The following NPNT variants were observed in gnomAD, a reference collection of about 807,000 sequenced individuals.
NPNT encodes the protein preosteoblast EGF-like repeat protein with MAM domain.
A neutral mutation model predicts 68.6 loss-of-function variants in NPNT; 45 were observed. That is an observed-to-expected ratio of 0.66 (90% CI 0.52 to 0.84). NPNT has a LOEUF of 0.84. NPNT is among the 40% of genes least tolerant of loss of function. The pLI is 0.00. For missense variants in NPNT, 672 were observed against 714.8 expected (o/e 0.94, Z 0.68); for synonymous variants, 233 against 253.3 (o/e 0.92, Z 0.76).
At chr4:105,944,547 A>T (rs1730230569) in intron 8 of NPNT, among the ~76,000 whole-genome samples, 1 of 152,206 alleles carries the variant, frequency 6.6e-6, no homozygotes, top group Non-Finnish European at 1.5e-5. Context: ...ATTAAAAATG[A>T]CATTGAAGTT....
intron 7 of NPNT, among the ~76,000 whole-genome samples, chr4:105,940,970 T>C (rs1729900173): frequency 6.6e-6 from 1 of 152,178 alleles, no homozygotes; most frequent in South Asian, 2.1e-4. Flanking sequence ...TAGCGTTAGA[T>C]TTTGATGGTG....
In NPNT at chr4:105,895,638, G is replaced by A. The variant is rs1351594489; in HGVS notation, c.-15G>A. The A allele has an allele frequency of 6.5e-7, 1 of 1,549,168 alleles. No individual in the cohort carries two copies. Among genetic ancestry groups the A allele is most frequent in the African/African-American group, 1.4e-5 (1 of 73,112 alleles). ...CGCGCGCCACTGCGCTGCGCCCCAG[G>A]ACCCGCTGCCCAACATGGATTTTCT... is the stretch of plus-strand genomic sequence containing the variant. On this transcript the variant is annotated 5_prime_UTR_variant, in exon 1 of 12. Coordinates refer to ENST00000379987, the MANE Select transcript of NPNT (RefSeq NM_001033047.3).
chr4:105,954,029 A>G (rs1332260287), intron 8 of NPNT, among the ~76,000 whole-genome samples: 1 of 152,220 alleles, frequency 6.6e-6, no homozygotes, highest in Admixed American at 6.5e-5. Flanking sequence ...GGGTAAAAAT[A>G]TGCAATTGAC....
At chr4:105,957,880 TTG>T (rs954849913) in intron 8 of NPNT, among the ~76,000 whole-genome samples, 2 of 152,238 alleles carry the variant, frequency 1.3e-5, no homozygotes, top group African/African-American at 4.8e-5. Context: ...TTGGACAGCA[TTG>T]TGTATTTTGG....
At chr4:105,932,641 A>G (rs1408320018) in intron 3 of NPNT, 1 of 1,535,986 alleles carries the variant, frequency 6.5e-7, no homozygotes, top group Admixed American at 2.0e-5. Flanking sequence ...CCTCTTGACC[A>G]AGGCAGTGAA....
chr4:105,909,572 AAGTT>A (rs1397459626), intron 2 of NPNT, among the ~76,000 whole-genome samples: 1 of 152,134 alleles, frequency 6.6e-6, no homozygotes, highest in African/African-American at 2.4e-5. Context: ...AGTGTACTGA[AAGTT>A]AGGATCATCC....
Position 105,945,120 on chromosome 4 carries a change from T to A in NPNT, c.1159+2418T>A, listed in dbSNP as rs553103901. On this transcript the variant is annotated intron_variant, in intron 8 of 11. Coordinates refer to ENST00000379987, the MANE Select transcript of NPNT (RefSeq NM_001033047.3). ...GTCTCCTTCAAATAGCCCTCCACTT[T>A]GTGTTTTTCTTTACATTGAAAGATA... Among the ~76,000 whole-genome samples, 7 of 152,342 alleles carry A rather than the reference T, an allele frequency of 4.6e-5. No individual in the cohort carries two copies. The East Asian group carries it at 5.8e-4, about 13-fold the overall frequency.
rs1476450035 is a variant in NPNT at position 105,968,990 on chromosome 4, A to G, written c.1698A>G (p.Ter566=). ...LKKGHCSEER[*] ...AAGGCCACTGCTCTGAAGAACGCTA[A>G]CAACTCCAGAACTAACAATGAACTC... The change falls in exon 12 of 12, where the codon TAA becomes TAG. Residue 566 remains the stop codon, a stop_retained_variant. Transcript: ENST00000379987. 6.3e-7 allele frequency: 1 copy of G among 1,579,354 alleles called. No individual in the cohort carries two copies. Among genetic ancestry groups the G allele is most frequent in the South Asian group, 1.1e-5 (1 of 90,268 alleles).
chr4:105,915,491 A>G (rs1164222490), intron 2 of NPNT, among the ~76,000 whole-genome samples: 2 of 152,106 alleles, frequency 1.3e-5, no homozygotes, highest in Admixed American at 6.6e-5. Context: ...AATGTAGATA[A>G]CAGTCCTATC....
rs139446460 is a variant in NPNT, at chr4:105,928,471, C to T, written c.265+1043C>T. On this transcript the variant is annotated intron_variant, in intron 3 of 11. Coordinates refer to ENST00000379987, the MANE Select transcript of NPNT (RefSeq NM_001033047.3). Reference sequence around the variant, plus strand: ...TCTACTAAAAATACGAAATTAGCTGCGTGTGGTGGCTCATGCTTGTAATCC... The same window carrying T: ...TCTACTAAAAATACGAAATTAGCTGTGTGTGGTGGCTCATGCTTGTAATCC... 9.9e-3 allele frequency among the ~76,000 whole-genome samples: 1,509 copies of T among 151,778 alleles called. 28 individuals carry two copies. Among genetic ancestry groups the T allele is most frequent in the African/African-American group, 0.034 (1,415 of 41,416 alleles).
chr4:105,963,006 C>T (rs1731851397), intron 10 of NPNT, among the ~76,000 whole-genome samples: 1 of 152,024 alleles, frequency 6.6e-6, no homozygotes, highest in African/African-American at 2.4e-5. Flanking sequence ...GGGTGGATCA[C>T]CTGAGGTCAG....
intron 5 of NPNT, among the ~76,000 whole-genome samples, chr4:105,938,784 C>T (rs1049801381): frequency 6.6e-6 from 1 of 152,154 alleles, no homozygotes; most frequent in South Asian, 2.1e-4. Flanking sequence ...TGTTGTTCTT[C>T]AGGCCTCAGA....
At chr4:105,914,634 G>A (rs1727658668) in intron 2 of NPNT, among the ~76,000 whole-genome samples, 1 of 151,300 alleles carries the variant, frequency 6.6e-6, no homozygotes, top group African/African-American at 2.4e-5. Flanking sequence ...TACTGGGTAA[G>A]AGGCATGTTT....
chr4:105,934,011 C>T (rs1231782564), intron 3 of NPNT, among the ~76,000 whole-genome samples: 1 of 151,646 alleles, frequency 6.6e-6, no homozygotes, highest in Admixed American at 6.6e-5. Context: ...ATAGATTTTC[C>T]TTATATATAT....
At chr4:105,923,477 T>C (rs926975779) in intron 2 of NPNT, among the ~76,000 whole-genome samples, 1 of 152,126 alleles carries the variant, frequency 6.6e-6, no homozygotes. Flanking sequence ...AAGTCCAGAT[T>C]CCACAGTCTA....
At chr4:105,937,252 A>G (rs1199595410) in intron 4 of NPNT, 124 bp downstream of exon 4, 2 of 874,176 alleles carry the variant, frequency 2.3e-6, no homozygotes, top group East Asian at 5.4e-5. Flanking sequence ...GTGTGTTTAT[A>G]CTTTTGCCTG....
intron 4 of NPNT, 101 bp from the exon 5 acceptor site, chr4:105,938,200 G>T (rs1404136149): frequency 1.8e-6 from 2 of 1,123,402 alleles, no homozygotes; most frequent in Non-Finnish European, 1.3e-6. Context: ...CTTCATTGTT[G>T]TTCAGTGTCA....
rs994825440 is a variant in NPNT, at chr4:105,898,623, A to G, written c.172+622A>G. On this transcript the variant is annotated intron_variant, in intron 2 of 11. Coordinates refer to ENST00000379987, the MANE Select transcript of NPNT (RefSeq NM_001033047.3). The stretch of plus-strand genomic sequence containing the variant: ...CCACCCAGTATAATGAAACAAAGCC[A>G]CTGAAACAACATTATTTGTAAGTTC... Among the ~76,000 whole-genome samples the G allele has an allele frequency of 2.6e-5, 4 of 152,156 alleles. No individual in the cohort carries two copies. In the South Asian group the frequency reaches 6.2e-4, roughly 24 times the overall value.
At position 105,937,145 on chromosome 4, in the gene NPNT, A is replaced by T; in HGVS notation, c.385+17A>T. ...CCTGCTCAAGTATGTCAAGAATCTT[A>T]ACTGTTTTATAAGTGCTTTGGGCTT... On this transcript the variant is annotated intron_variant, in intron 4 of 11. Coordinates refer to ENST00000379987, the MANE Select transcript of NPNT (RefSeq NM_001033047.3). 1 of 1,612,124 alleles carries T rather than the reference A, an allele frequency of 6.2e-7. No individual in the cohort carries two copies. Among genetic ancestry groups the T allele is most frequent in the Non-Finnish European group, 8.5e-7 (1 of 1,179,134 alleles).
Sources: allele counts gnomAD v4.1 joint callset (sites outside exome capture counted in the v4.1 genomes callset), GRCh38; gene constraint gnomAD v4.1.1; transcripts MANE v1.5; gene names NCBI Gene and HGNC (gene_info 2026-07-23, HGNC 2026-07-21).